KCNN2: variants seen among roughly 807,000 people sequenced by gnomAD.
KCNN2 encodes the protein potassium calcium-activated channel subfamily N member 2.
Under a neutral mutation model 55.5 loss-of-function variants are expected in KCNN2, and 24 were observed. The observed-to-expected ratio is 0.43, with a 90% confidence interval of 0.31 to 0.61. KCNN2 has a LOEUF of 0.61. KCNN2 is among the 20% of genes least tolerant of loss of function. The pLI is 0.08. For synonymous variants in KCNN2, 431 were observed against 336.1 expected, an observed-to-expected ratio of 1.28 and a Z score of -3.09; for missense variants, 754 against 853.6, an observed-to-expected ratio of 0.88 and a Z score of 1.45.
intron 1 of KCNN2, among the ~76,000 whole-genome samples, chr5:114,172,041 A>G (rs1171348324): frequency 6.6e-6 from 1 of 151,918 alleles, no homozygotes; most frequent in Non-Finnish European, 1.5e-5. Flanking sequence ...TATTGATCCT[A>G]TAATGCTTCT....
intron 2 of KCNN2, among the ~76,000 whole-genome samples, chr5:114,306,028 A>T (rs1342625938): frequency 6.6e-6 from 1 of 152,200 alleles, no homozygotes; most frequent in Non-Finnish European, 1.5e-5. Context: ...ACAGCATAAT[A>T]TTCTTTGGTA....
chr5:114,156,411 C>T (rs1265390378), intron 1 of KCNN2, among the ~76,000 whole-genome samples: 1 of 152,002 alleles, frequency 6.6e-6, no homozygotes, highest in Non-Finnish European at 1.5e-5. Flanking sequence ...TTTCCTAGTT[C>T]TGTGAAGAAT....
chr5:114,064,908 C>T (rs968076751), intron 1 of KCNN2, among the ~76,000 whole-genome samples: 1 of 152,164 alleles, frequency 6.6e-6, no homozygotes, highest in African/African-American at 2.4e-5. Flanking sequence ...TCCCTTGTAT[C>T]ATCCAGAGAT....
intron 1 of KCNN2, among the ~76,000 whole-genome samples, chr5:114,211,313 A>G (rs547873933): frequency 6.6e-6 from 1 of 152,290 alleles, no homozygotes; most frequent in East Asian, 1.9e-4. Flanking sequence ...ACCAACCTAA[A>G]TGCCCATTAA....
At position 114,272,439 on chromosome 5, in the gene KCNN2, TATACACACATATGTATGTACATATC is replaced by T. The variant is rs10654369; in HGVS notation, c.-185+50903_-185+50927del. 3.6e-3 allele frequency among the ~76,000 whole-genome samples: 52 copies of T among 14,558 alleles called. 2 individuals carry two copies. The highest frequency in any genetic ancestry group is 4.5e-3 in the African/African-American group (48 of 10,784). The allele number at this position is 14,558 out of a possible 152,430, so 9.6% of individuals were successfully genotyped here. A position where few individuals can be genotyped will look rare whatever the true frequency, so the allele number is the denominator to read the frequency against. ...TACACACATATGTACGTACATATCA[TATACACACATATGTATGTACATATC>T]ATACACACATATGTATGTACATATC... is the stretch of plus-strand genomic sequence containing the variant. On this transcript the variant is annotated intron_variant, in intron 2 of 10. Transcript: ENST00000512097.
Position 114,313,165 on chromosome 5 carries a change from T to C in KCNN2, c.-184-47780T>C, listed in dbSNP as rs560219898. On this transcript the variant is annotated intron_variant, in intron 2 of 10. Transcript: ENST00000512097. ...ATTTATTCTGAAAGCCATAGATTTT[T>C]CATTTTCCTGTTTCCATCTGCTGGA... 2.6e-5 allele frequency among the ~76,000 whole-genome samples: 4 copies of C among 152,268 alleles called. No homozygotes were observed. In the South Asian group the frequency reaches 8.3e-4, roughly 32 times the overall value.
chr5:114,350,936 G>A (rs540741795), intron 2 of KCNN2, among the ~76,000 whole-genome samples: 2 of 151,726 alleles, frequency 1.3e-5, no homozygotes, highest in South Asian at 4.2e-4. Context: ...TCTATTCTTG[G>A]CTATTTGCAT....
intron 2 of KCNN2, among the ~76,000 whole-genome samples, chr5:114,249,646 C>T (rs1386677783): frequency 7.0e-6 from 1 of 142,062 alleles, no homozygotes; most frequent in Non-Finnish European, 1.5e-5. Flanking sequence ...TTCAAATATA[C>T]AAAAATAAAT....
intron 1 of KCNN2, among the ~76,000 whole-genome samples, chr5:114,081,464 C>T (rs1299581861): frequency 1.3e-5 from 2 of 152,058 alleles, no homozygotes; most frequent in African/African-American, 4.8e-5. Flanking sequence ...AGAATAGAGC[C>T]CAGAAATAAA....
chr5:114,491,007 A>C (rs555997427), intron 6 of KCNN2, among the ~76,000 whole-genome samples: 139 of 152,296 alleles, frequency 9.1e-4, no homozygotes, highest in African/African-American at 3.2e-3. Context: ...AACAAACAAC[A>C]AGACAAGATG....
intron 2 of KCNN2, among the ~76,000 whole-genome samples, chr5:114,251,316 G>A (rs1754855400): frequency 6.6e-6 from 1 of 152,198 alleles, no homozygotes; most frequent in South Asian, 2.1e-4. Flanking sequence ...TTTAATCAAA[G>A]ATTCAAAGGC....
intron 5 of KCNN2, among the ~76,000 whole-genome samples, chr5:114,482,326 A>G (rs982642240): frequency 1.3e-5 from 2 of 152,238 alleles, no homozygotes; most frequent in Non-Finnish European, 2.9e-5. Context: ...CCACAATGAG[A>G]TACCATCTCA....
At chr5:114,399,755 G>C (rs977407471) in intron 2 of KCNN2, among the ~76,000 whole-genome samples, 3 of 151,956 alleles carry the variant, frequency 2.0e-5, no homozygotes, top group Non-Finnish European at 2.9e-5. Flanking sequence ...TGATTGATAG[G>C]CTTTTTATTA....
chr5:114,110,990 T>C (rs1434812150), intron 1 of KCNN2, among the ~76,000 whole-genome samples: 1 of 152,116 alleles, frequency 6.6e-6, no homozygotes, highest in Non-Finnish European at 1.5e-5. Context: ...CTAAAGTTCA[T>C]ATGGAACCAA....
At chr5:114,445,179 G>A (rs1760355755) in intron 3 of KCNN2, among the ~76,000 whole-genome samples, 1 of 152,162 alleles carries the variant, frequency 6.6e-6, no homozygotes, top group South Asian at 2.1e-4. Context: ...TCTAGGAAGG[G>A]CAGCTGGCCT....
At chr5:114,120,068 C>T (rs1751795566) in intron 1 of KCNN2, among the ~76,000 whole-genome samples, 1 of 152,096 alleles carries the variant, frequency 6.6e-6, no homozygotes, top group Non-Finnish European at 1.5e-5. Context: ...GGGCAGTACC[C>T]TACTCTTTGA....
At chr5:114,435,947 G>T (rs563184188) in intron 3 of KCNN2, among the ~76,000 whole-genome samples, 1 of 152,256 alleles carries the variant, frequency 6.6e-6, no homozygotes, top group East Asian at 1.9e-4. Flanking sequence ...TTGTAAGGGT[G>T]CCTTAAATTT....
intron 1 of KCNN2, among the ~76,000 whole-genome samples, chr5:114,117,576 A>C (rs13181093): frequency 0.096 from 14,602 of 152,244 alleles, 815 homozygotes; most frequent in Middle Eastern, 0.21. Context: ...GATTGTCTGC[A>C]TGCAGATATG....
chr5:114,471,383 G>A (rs1215327712), intron 4 of KCNN2, among the ~76,000 whole-genome samples: 1 of 152,102 alleles, frequency 6.6e-6, no homozygotes, highest in Non-Finnish European at 1.5e-5. Context: ...TATTGTTATT[G>A]TTTAAAGAAT....
Sources: allele counts gnomAD v4.1 joint callset (sites outside exome capture counted in the v4.1 genomes callset), GRCh38; gene constraint gnomAD v4.1.1; transcripts MANE v1.5; gene names NCBI Gene and HGNC (gene_info 2026-07-23, HGNC 2026-07-21).